Variants in SCAF8 observed in about 807,000 individuals in gnomAD.
SCAF8 encodes SR-related CTD associated factor 8, also known as SR-related and CTD-associated factor 8.
A neutral mutation model predicts 140.5 loss-of-function variants in SCAF8; 23 were observed. The ratio of observed to expected loss-of-function variants is 0.16; its 90% CI spans 0.12 to 0.23. SCAF8 has a LOEUF of 0.23. Among genes scored for constraint, SCAF8 ranks in the 10% least tolerant of loss-of-function variants. SCAF8 has a pLI of 1.00. For synonymous variants in SCAF8, 575 were observed against 528.9 expected (o/e 1.09, Z -1.20); for missense variants, 1,397 against 1,555.7 (o/e 0.90, Z 1.72).
chr6:154,823,283 T>G (rs1361527545), intron 16 of SCAF8, among the ~76,000 whole-genome samples: 1 of 151,740 alleles, frequency 6.6e-6, no homozygotes, highest in Non-Finnish European at 1.5e-5. Context: ...AGCAGAGGAG[T>G]GACTTGATCT....
chr6:154,806,468 A>C (rs184114152), intron 9 of SCAF8, among the ~76,000 whole-genome samples: 1 of 152,302 alleles, frequency 6.6e-6, no homozygotes, highest in Non-Finnish European at 1.5e-5. Context: ...GGCAAGTGTT[A>C]CATACAGAGA....
At chr6:154,803,462 C>T in intron 7 of SCAF8, 82 bp from the exon 8 acceptor site, 1 of 884,762 alleles carries the variant, frequency 1.1e-6, no homozygotes, top group Non-Finnish European at 1.9e-6. Context: ...AACGGAATGC[C>T]ATTGACATTT....
chr6:154,760,417 A>G (rs569168488), intron 1 of SCAF8, among the ~76,000 whole-genome samples: 4 of 152,300 alleles, frequency 2.6e-5, no homozygotes, highest in Admixed American at 1.3e-4. Flanking sequence ...AGATGTTTGC[A>G]TATTTCAGAC....
chr6:154,802,271 C>G (rs1390033802), intron 7 of SCAF8, 124 bp downstream of exon 7: 7 of 534,012 alleles, frequency 1.3e-5, no homozygotes, highest in African/African-American at 3.9e-5. Context: ...CTGTATAAGA[C>G]AGTCTGAATT....
At chr6:154,781,905 G>T (rs951881008) in intron 3 of SCAF8, among the ~76,000 whole-genome samples, 10 of 152,276 alleles carry the variant, frequency 6.6e-5, no homozygotes, top group Admixed American at 4.6e-4. Context: ...TTGTGTGAGG[G>T]AGAAGTGTGG....
intron 19 of SCAF8, among the ~76,000 whole-genome samples, chr6:154,831,703 TAAAAAAAAAAAAAAAAAAAAAAAA>T (rs58013583): frequency 2.5e-4 from 12 of 48,094 alleles, no homozygotes; most frequent in East Asian, 7.8e-4. Flanking sequence ...CTCCTGTTCT[TAAAAAAAAAAAAAAAAAAAAAAAA>T]AAAAAAAAAA....
intron 3 of SCAF8, among the ~76,000 whole-genome samples, chr6:154,784,872 C>T (rs1777206559): frequency 6.6e-6 from 1 of 152,032 alleles, no homozygotes; most frequent in African/African-American, 2.4e-5. Context: ...ACATATACAG[C>T]CAAATTTTTA....
At chr6:154,819,149 A>G (rs542298338) in intron 14 of SCAF8, among the ~76,000 whole-genome samples, 3 of 152,110 alleles carry the variant, frequency 2.0e-5, no homozygotes, top group African/African-American at 4.8e-5. Context: ...TTTGAAGTTT[A>G]TTTATCTTAT....
intron 15 of SCAF8, 141 bp from the exon 16 acceptor site, chr6:154,822,135 G>GA: frequency 1.3e-6 from 1 of 757,054 alleles, no homozygotes; most frequent in Middle Eastern, 3.9e-4. Context: ...CAGAAATCTA[G>GA]AGTGGCACCT....
chr6:154,762,134 G>A (rs1026157057), intron 1 of SCAF8, among the ~76,000 whole-genome samples: 4 of 152,154 alleles, frequency 2.6e-5, no homozygotes, highest in South Asian at 4.1e-4. Context: ...TACTGTATTA[G>A]TTTTCTATTG....
At chr6:154,782,495 G>A (rs1056920596) in intron 3 of SCAF8, among the ~76,000 whole-genome samples, 3 of 152,142 alleles carry the variant, frequency 2.0e-5, no homozygotes, top group African/African-American at 7.2e-5. Context: ...AACAGATAAG[G>A]AAACTTCAGA....
intron 19 of SCAF8, among the ~76,000 whole-genome samples, chr6:154,831,402 G>A (rs1778729159): frequency 6.6e-6 from 1 of 152,052 alleles, no homozygotes; most frequent in Admixed American, 6.6e-5. Context: ...CTACTTCAGT[G>A]TGTTGTCAAA....
At chr6:154,762,784 G>A (rs1201214840) in intron 1 of SCAF8, among the ~76,000 whole-genome samples, 3 of 151,964 alleles carry the variant, frequency 2.0e-5, no homozygotes, top group East Asian at 1.9e-4. Context: ...TATAAAATAA[G>A]GGATTTTATT....
At chr6:154,754,043 T>G (rs1195983396) in intron 1 of SCAF8, among the ~76,000 whole-genome samples, 1 of 152,182 alleles carries the variant, frequency 6.6e-6, no homozygotes, top group African/African-American at 2.4e-5. Flanking sequence ...ACCCAAACAG[T>G]ATGTGTCTTA....
At chr6:154,831,191 G>A in intron 19 of SCAF8, 51 bp downstream of exon 19, 4 of 1,176,178 alleles carry the variant, frequency 3.4e-6, no homozygotes, top group South Asian at 1.5e-5. Flanking sequence ...TCTGTATTTG[G>A]TGTTTAATTC....
At chr6:154,794,088 AT>A (rs1022910447) in intron 5 of SCAF8, among the ~76,000 whole-genome samples, 1 of 150,592 alleles carries the variant, frequency 6.6e-6, no homozygotes, top group Non-Finnish European at 1.5e-5. Context: ...TGCCTGGCTA[AT>A]TTTTTTTTGT....
intron 14 of SCAF8, among the ~76,000 whole-genome samples, chr6:154,819,319 G>T (rs1778347680): frequency 6.6e-6 from 1 of 152,190 alleles, no homozygotes; most frequent in South Asian, 2.1e-4. Context: ...AGGTGTGGCA[G>T]CTCACACCTG....
intron 8 of SCAF8, 34 bp downstream of exon 8, chr6:154,803,657 T>A (rs1165155757): frequency 1.5e-6 from 2 of 1,318,080 alleles, no homozygotes; most frequent in Middle Eastern, 1.9e-4. Context: ...ATAGTTTTTT[T>A]ATATTTAGTG....
chr6:154,796,975 A>G, intron 6 of SCAF8, among the ~76,000 whole-genome samples: 1 of 151,048 alleles, frequency 6.6e-6, no homozygotes, highest in East Asian at 1.9e-4. Context: ...CAAAAACAAA[A>G]ATCTCAAAAA....
Sources: gnomAD v4.1 joint callset for allele counts (sites outside exome capture counted in the v4.1 genomes callset) on GRCh38, gnomAD v4.1.1 for gene constraint, MANE v1.5 for transcripts, NCBI Gene and HGNC (gene_info 2026-07-23, HGNC 2026-07-21) for gene names.